VPS53: variants seen among roughly 807,000 people sequenced by gnomAD.
The protein encoded by VPS53 is vacuolar protein sorting-associated protein 53 homolog.
A neutral mutation model predicts 107.0 loss-of-function variants in VPS53; 70 were observed. The ratio of observed to expected loss-of-function variants is 0.65; its 90% CI spans 0.54 to 0.80. The LOEUF is 0.80. VPS53 is among the 30% of genes least tolerant of loss of function. The pLI, the probability that VPS53 is intolerant of heterozygous loss-of-function variation, is 0.00. For missense variants in VPS53, 917 were observed against 1,049.4 expected (o/e 0.87, Z 1.74); for synonymous variants, 409 against 393.3 (o/e 1.04, Z -0.47).
chr17:714,444 T>G, intron 1 of VPS53, 179 bp downstream of exon 1: 1 of 612,860 alleles, frequency 1.6e-6, no homozygotes, highest in Non-Finnish European at 2.8e-6. Context: ...GAAAGGGTTC[T>G]CTTTCCTTTC....
intron 18 of VPS53, among the ~76,000 whole-genome samples, chr17:533,445 T>A (rs957788737): frequency 6.6e-6 from 1 of 152,170 alleles, no homozygotes; most frequent in African/African-American, 2.4e-5. Context: ...AGCCTCATCC[T>A]GCTAAGCCCT....
intron 11 of VPS53, among the ~76,000 whole-genome samples, chr17:613,200 A>G (rs555762405): frequency 2.7e-5 from 4 of 150,796 alleles, no homozygotes; most frequent in East Asian, 2.0e-4. Flanking sequence ...AACCTGTACA[A>G]ATATTCACAT....
At chr17:536,013 A>T (rs1910031479) in intron 18 of VPS53, among the ~76,000 whole-genome samples, 1 of 152,174 alleles carries the variant, frequency 6.6e-6, no homozygotes, top group Non-Finnish European at 1.5e-5. Context: ...TTCCCTGAGA[A>T]GTCTGCCAAA....
chr17:555,515 G>A (rs75618223), intron 15 of VPS53, among the ~76,000 whole-genome samples: 2,655 of 152,072 alleles, frequency 0.017, 147 homozygotes, highest in East Asian at 0.14. Flanking sequence ...TGTATTTTTA[G>A]TAGAGACGGG....
At chr17:648,393 T>C (rs975451674) in intron 7 of VPS53, among the ~76,000 whole-genome samples, 2 of 151,908 alleles carry the variant, frequency 1.3e-5, no homozygotes, top group Non-Finnish European at 2.9e-5. Context: ...CTACTAAAAA[T>C]ACAAAACTTA....
At chr17:626,343 A>G (rs1969706999) in intron 10 of VPS53, among the ~76,000 whole-genome samples, 1 of 152,166 alleles carries the variant, frequency 6.6e-6, no homozygotes, top group Non-Finnish European at 1.5e-5. Flanking sequence ...CGTAGAGAGG[A>G]TGAACAAAAG....
intron 4 of VPS53, among the ~76,000 whole-genome samples, chr17:686,856 T>C (rs986216522): frequency 3.9e-5 from 6 of 152,176 alleles, no homozygotes; most frequent in African/African-American, 1.4e-4. Context: ...TTAAAATACA[T>C]TTATTCTAGG....
chr17:554,434 A>G (rs962586482), intron 15 of VPS53, among the ~76,000 whole-genome samples: 11 of 151,762 alleles, frequency 7.2e-5, no homozygotes, highest in African/African-American at 2.7e-4. Flanking sequence ...ACGGAGTTTC[A>G]CTCTTGTTGC....
intron 17 of VPS53, among the ~76,000 whole-genome samples, chr17:546,329 TCACACACACACACACACACA>T (rs71371545): frequency 1.6e-4 from 21 of 131,976 alleles, no homozygotes; most frequent in Admixed American, 4.6e-4. Flanking sequence ...CTTAGATATC[TCACACACACACACACACACA>T]CACACACACA....
intron 19 of VPS53, among the ~76,000 whole-genome samples, chr17:527,835 C>T (rs1455509811): frequency 6.6e-6 from 1 of 152,224 alleles, no homozygotes; most frequent in Admixed American, 6.5e-5. Context: ...TGATCTCAAA[C>T]TGCTGAGCTC....
At chr17:535,298 G>A (rs928079489) in intron 18 of VPS53, among the ~76,000 whole-genome samples, 1 of 152,244 alleles carries the variant, frequency 6.6e-6, no homozygotes, top group East Asian at 1.9e-4. Flanking sequence ...AGAATGTGAG[G>A]CTGATGCTGG....
At chr17:682,936 G>A (rs748113845) in intron 4 of VPS53, among the ~76,000 whole-genome samples, 32 of 152,078 alleles carry the variant, frequency 2.1e-4, no homozygotes, top group African/African-American at 7.5e-4. Flanking sequence ...TTACCTGCAC[G>A]AACAGATGAA....
Position 517,435 on chromosome 17 carries a change from G to C in VPS53, c.*1693C>G, listed in dbSNP as rs1040208174. 4 of 398,818 alleles carry C rather than the reference G, an allele frequency of 1.0e-5. No individual in the cohort carries two copies. The highest frequency in any genetic ancestry group is 4.4e-5 in the Admixed American group (1 of 22,724). 24.7% of individuals were successfully genotyped at this position (398,818 alleles called of 1,614,324 possible). A position where few individuals can be genotyped will look rare whatever the true frequency, so the allele number is the denominator to read the frequency against. ...ATGTTGGGAAACAAGGTGGGGATGA[G>C]GAAATCAGGTTTCCAGGCAGATTTC... On this transcript the variant is annotated 3_prime_UTR_variant, in exon 22 of 22. Transcript: ENST00000437048.
chr17:561,500 A>G (rs1243627552), intron 14 of VPS53, among the ~76,000 whole-genome samples: 2 of 152,264 alleles, frequency 1.3e-5, no homozygotes, highest in Non-Finnish European at 2.9e-5. Context: ...TAAGCAGTAT[A>G]GCCCCAATTC....
rs1357707394 is a variant in VPS53, at chr17:519,234, G to A, written c.2393C>T (p.Pro798Leu). 7 of 1,547,732 alleles carry A rather than the reference G, an allele frequency of 4.5e-6. No homozygotes were observed. In the South Asian group the frequency reaches 7.2e-5, roughly 16 times the overall value. The change falls in exon 22 of 22, where the codon CCC becomes CTC. Residue 798 changes from proline (P) to leucine (L), a missense_variant. Pro to Leu is a moderately conservative substitution (Grantham distance 98). Coordinates refer to ENST00000437048, the MANE Select transcript of VPS53 (RefSeq NM_001128159.3). This position sits in a 1 kb window ranked among gnomAD's most constrained non-coding sequence, Gnocchi z 5.0. ...TGAGCCGGAGCTTTCTGCCCCCGAG[G>A]GCGGTGCGGGGAGCCGCTGGCGCAG... ...ELLRQRLPAP[P>L]SGAESSGSLS...
chr17:524,283 C>CATAAAAA lies in VPS53; in HGVS notation c.2086-2552_2086-2546dup, dbSNP rs111313752. Among the ~76,000 whole-genome samples the CATAAAAA allele has an allele frequency of 6.6e-6, 1 of 151,446 alleles. No homozygotes were observed. The highest frequency in any genetic ancestry group is 2.4e-5 in the African/African-American group (1 of 41,222). ...AGACACTGTCTCAAAAAAATAAATACATAAAAAATAAAAAATAAAAAAGAA... is the reference window on the plus strand; with the variant it reads ...AGACACTGTCTCAAAAAAATAAATACATAAAAAATAAAAAATAAAAAATAAAAAAGAA... On this transcript the variant is annotated intron_variant, in intron 19 of 21. Transcript: ENST00000437048. The surrounding 1 kb of genome is among the most constrained non-coding windows in gnomAD (Gnocchi z 4.5).
intron 11 of VPS53, among the ~76,000 whole-genome samples, chr17:621,401 C>A (rs1969461543): frequency 6.6e-6 from 1 of 152,198 alleles, no homozygotes; most frequent in Non-Finnish European, 1.5e-5. Context: ...TTTCTTTGTG[C>A]ATCTTCCTCT....
chr17:636,151 T>C (rs890698973), intron 7 of VPS53, among the ~76,000 whole-genome samples: 1 of 152,172 alleles, frequency 6.6e-6, no homozygotes, highest in African/African-American at 2.4e-5. Flanking sequence ...CCCAAATTCC[T>C]AGTTGGATTT....
chr17:529,971 G>A (rs1429360805), intron 19 of VPS53, among the ~76,000 whole-genome samples: 2 of 151,246 alleles, frequency 1.3e-5, no homozygotes, highest in Admixed American at 6.6e-5. Context: ...CACGAATTGA[G>A]ACTGCAGTGA....
Sources: gnomAD v4.1 joint callset for allele counts (sites outside exome capture counted in the v4.1 genomes callset) on GRCh38, gnomAD v4.1.1 for gene constraint, Gnocchi (gnomAD v3.1) non-coding constraint, MANE v1.5 for transcripts, NCBI Gene and HGNC (gene_info 2026-07-23, HGNC 2026-07-21) for gene names.